ASAP2: variants seen among roughly 807,000 people sequenced by gnomAD.
ASAP2 encodes the protein ArfGAP with SH3 domain, ankyrin repeat and PH domain 2.
A neutral mutation model predicts 131.4 loss-of-function variants in ASAP2; 45 were observed. That is an observed-to-expected ratio of 0.34 (90% CI 0.27 to 0.44). The LOEUF is 0.44. Among genes scored for constraint, ASAP2 ranks in the 20% least tolerant of loss-of-function variants. ASAP2 has a pLI of 1.00. For synonymous variants in ASAP2, 510 were observed against 503.0 expected (o/e 1.01, Z -0.19); for missense variants, 1,011 against 1,297.0 (o/e 0.78, Z 3.39).
At chr2:9,286,447 A>AAT (rs1553304561) in intron 2 of ASAP2, among the ~76,000 whole-genome samples, 2,498 of 148,448 alleles carry the variant, frequency 0.017, 25 homozygotes, top group Non-Finnish European at 0.021. Flanking sequence ...GAAAAAAAAA[A>AAT]ATATATATAT....
chr2:9,395,594 C>CTTTTTTT lies in ASAP2; in HGVS notation c.2684+1972_2684+1978dup. Among the ~76,000 whole-genome samples the CTTTTTTT allele has an allele frequency of 6.3e-3, 370 of 59,064 alleles. 57 individuals carry two copies. Among genetic ancestry groups the CTTTTTTT allele is most frequent in the Non-Finnish European group, 0.011 (296 of 27,468 alleles). 38.7% of individuals were successfully genotyped at this position (59,064 alleles called of 152,430 possible). A position where few individuals can be genotyped will look rare whatever the true frequency, so the allele number is the denominator to read the frequency against. ...GTTTTGTTTTTCTTGTGTTTTTTTT[C>CTTTTTTT]TTTTTTTTTTTTTTTTTTTTTTTTT... On this transcript the variant is annotated intron_variant, in intron 24 of 27. Transcript: ENST00000281419.
chr2:9,242,157 T>G (rs1664018728), intron 1 of ASAP2, among the ~76,000 whole-genome samples: 1 of 152,190 alleles, frequency 6.6e-6, no homozygotes. Context: ...ATGAAACTTT[T>G]TTTTTATTTG....
chr2:9,323,509 A>G (rs938122908), intron 6 of ASAP2, among the ~76,000 whole-genome samples: 7 of 152,238 alleles, frequency 4.6e-5, no homozygotes, highest in African/African-American at 1.7e-4. Flanking sequence ...TTCTGGCTTC[A>G]CGTACGTACT....
intron 20 of ASAP2, among the ~76,000 whole-genome samples, chr2:9,383,021 A>G (rs1036165175): frequency 2.0e-5 from 3 of 152,020 alleles, no homozygotes; most frequent in Non-Finnish European, 2.9e-5. Flanking sequence ...CAAGAGGGCT[A>G]GGAAATGGGT....
At chr2:9,243,978 G>A (rs1664163792) in intron 1 of ASAP2, among the ~76,000 whole-genome samples, 1 of 152,174 alleles carries the variant, frequency 6.6e-6, no homozygotes, top group East Asian at 1.9e-4. Flanking sequence ...GTGGGAACAT[G>A]ATATGTATAT....
chr2:9,369,879 T>C (rs930496414), intron 16 of ASAP2, among the ~76,000 whole-genome samples: 1 of 152,142 alleles, frequency 6.6e-6, no homozygotes, highest in Non-Finnish European at 1.5e-5. Flanking sequence ...TCAAGACCTC[T>C]TGCCCAGGCT....
At position 9,391,128 on chromosome 2, in the gene ASAP2, G is replaced by A. The variant is rs766345147; in HGVS notation, c.2450G>A (p.Arg817Gln). The A allele has an allele frequency of 8.1e-6, 13 of 1,614,076 alleles. No homozygotes were observed. Among genetic ancestry groups the A allele is most frequent in the African/African-American group, 2.7e-5 (2 of 74,942 alleles). The change falls in exon 23 of 28, where the codon CGG (arginine) becomes CAG (glutamine). Residue 817 changes from arginine (R) to glutamine (Q), a missense_variant. Coordinates refer to ENST00000281419, the MANE Select transcript of ASAP2 (RefSeq NM_003887.3). ...TCTGTAAGTGTGGACGGTGGAAGCC[G>A]GCAGCGATCTTCGTCAGATCCGCCA... ...TNSVSVDGGS[R>Q]QRSSSDPPAV...
intron 1 of ASAP2, among the ~76,000 whole-genome samples, chr2:9,245,931 G>A (rs1664306921): frequency 6.6e-6 from 1 of 152,124 alleles, no homozygotes; most frequent in Non-Finnish European, 1.5e-5. Flanking sequence ...AGAGGAGTGA[G>A]CCCCACATTT....
intron 3 of ASAP2, among the ~76,000 whole-genome samples, chr2:9,305,730 A>G (rs1426929871): frequency 3.4e-3 from 438 of 128,962 alleles, no homozygotes; most frequent in South Asian, 4.8e-3. Context: ...ATTGGTGGAG[A>G]GGCTGTAGTA....
At chr2:9,256,362 G>A (rs1236358581) in intron 1 of ASAP2, among the ~76,000 whole-genome samples, 4 of 151,924 alleles carry the variant, frequency 2.6e-5, no homozygotes, top group Non-Finnish European at 5.9e-5. Context: ...TTAAATGTCA[G>A]GCAAAGCGGC....
intron 3 of ASAP2, among the ~76,000 whole-genome samples, chr2:9,302,514 G>C (rs780043586): frequency 6.6e-6 from 1 of 151,496 alleles, no homozygotes; most frequent in Non-Finnish European, 1.5e-5. Context: ...TCACTGTGTC[G>C]CCCAAGCTAG....
chr2:9,394,050 A>G (rs1478483220), intron 24 of ASAP2, among the ~76,000 whole-genome samples: 3 of 152,198 alleles, frequency 2.0e-5, no homozygotes, highest in African/African-American at 7.2e-5. Flanking sequence ...CACCTGCAAA[A>G]TCAGGAAATT....
In ASAP2 at chr2:9,217,908, C is replaced by T. The variant is rs1470443403; in HGVS notation, c.126+10678C>T. On this transcript the variant is annotated intron_variant, in intron 1 of 27. Coordinates refer to ENST00000281419, the MANE Select transcript of ASAP2 (RefSeq NM_003887.3). The surrounding 1 kb of genome is among the most constrained non-coding windows in gnomAD (Gnocchi z 4.0). ...GGATTACAGGTGTGAGCCACCACGC[C>T]TGGCTTTTTTTTTTTTTTACATGAA... 8.6e-6 allele frequency among the ~76,000 whole-genome samples: 1 copy of T among 116,430 alleles called. No individual in the cohort carries two copies. The highest frequency in any genetic ancestry group is 4.2e-5 in the African/African-American group (1 of 23,544). 76.4% of individuals were successfully genotyped at this position (116,430 alleles called of 152,430 possible).
At chr2:9,309,845 C>G (rs1669182592) in intron 3 of ASAP2, among the ~76,000 whole-genome samples, 1 of 152,174 alleles carries the variant, frequency 6.6e-6, no homozygotes, top group Non-Finnish European at 1.5e-5. Context: ...TAAGTTTAAT[C>G]AATTTAAATG....
At chr2:9,212,109 C>T (rs1661603008) in intron 1 of ASAP2, among the ~76,000 whole-genome samples, 1 of 152,260 alleles carries the variant, frequency 6.6e-6, no homozygotes, top group African/African-American at 2.4e-5. Context: ...TGCCACTCCT[C>T]ACGGGTTCCA....
At chr2:9,280,690 A>G (rs1007474496) in intron 2 of ASAP2, among the ~76,000 whole-genome samples, 9 of 152,260 alleles carry the variant, frequency 5.9e-5, no homozygotes, top group African/African-American at 2.2e-4. Flanking sequence ...AACCCCAGTC[A>G]GAATTACAGC....
chr2:9,381,220 C>T lies in ASAP2; in HGVS notation c.2016+412C>T, dbSNP rs562810924. On this transcript the variant is annotated intron_variant, in intron 20 of 27. Coordinates refer to ENST00000281419, the MANE Select transcript of ASAP2 (RefSeq NM_003887.3). ...CCAGATCATGTGGGTTGCTCAATAC[C>T]ATCTTTTCCTGTTCTGGAAGAAAAG... Among the ~76,000 whole-genome samples, 14 of 152,300 alleles carry T rather than the reference C, an allele frequency of 9.2e-5. No individual in the cohort carries two copies. The South Asian group carries it at 2.9e-3, about 32-fold the overall frequency.
intron 1 of ASAP2, among the ~76,000 whole-genome samples, chr2:9,244,546 T>C (rs140396824): frequency 9.5e-4 from 145 of 152,338 alleles, no homozygotes; most frequent in Middle Eastern, 6.8e-3. Context: ...ACACAGTTAA[T>C]GTCCACGGGA....
intron 9 of ASAP2, among the ~76,000 whole-genome samples, chr2:9,338,375 C>T (rs888025800): frequency 6.6e-6 from 1 of 152,144 alleles, no homozygotes; most frequent in African/African-American, 2.4e-5. Context: ...TTCTCTTGCT[C>T]CCTCTTTTTC....
Sources: gnomAD v4.1 joint callset for allele counts (sites outside exome capture counted in the v4.1 genomes callset) on GRCh38, gnomAD v4.1.1 for gene constraint, Gnocchi (gnomAD v3.1) non-coding constraint, MANE v1.5 for transcripts, NCBI Gene and HGNC (gene_info 2026-07-23, HGNC 2026-07-21) for gene names.